The following P2RX5 variants were observed in gnomAD, a reference collection of about 807,000 sequenced individuals.
P2RX5 encodes P2X purinoceptor 5.
A neutral mutation model predicts 54.1 loss-of-function variants in P2RX5; 46 were observed. That is an observed-to-expected ratio of 0.85 (90% CI 0.67 to 1.09). P2RX5 has a LOEUF of 1.09. Ranked by LOEUF, P2RX5 falls within the 50% of genes least tolerant of loss-of-function variation. The pLI, the probability that P2RX5 is intolerant of heterozygous loss-of-function variation, is 0.00. For missense variants in P2RX5, 566 were observed against 549.8 expected, an observed-to-expected ratio of 1.03 and a Z score of -0.29; for synonymous variants, 226 against 226.4, an observed-to-expected ratio of 1.00 and a Z score of 0.02.
At chr17:3,719,253 A>AG in the P2RX5 span, among the ~76,000 whole-genome samples, 33,339 of 109,506 alleles carry the variant, frequency 0.3, 5,538 homozygotes, top group East Asian at 0.52. Context: ...AAAAAAAAAA[A>AG]AAAGAAAAGA....
chr17:3,681,405 TGCCGCTG>T (rs1314941767), intron 10 of P2RX5, among the ~76,000 whole-genome samples: 1 of 150,352 alleles, frequency 6.7e-6, no homozygotes, highest in African/African-American at 2.4e-5. Flanking sequence ...CGCTGTGCTC[TGCCGCTG>T]TGAACACGCA....
rs767522885 is a variant in P2RX5, at chr17:3,691,681, C to T, written c.251G>A (p.Arg84Gln). ...GACGTAGTCGGCGACATCCCAGATCCGCTGCCCAAGATCCGAGGTGTTGGT... is the reference window on the plus strand; with the variant it reads ...GACGTAGTCGGCGACATCCCAGATCTGCTGCCCAAGATCCGAGGTGTTGGT... ...AFTNTSDLGQ[R>Q]IWDVADYVIP... Residue 84 changes from arginine (R) to glutamine (Q), a missense_variant, in exon 2 of 12, where the codon CGG (arginine) becomes CAG (glutamine). Transcript: ENST00000225328. 9 of 1,614,080 alleles carry T rather than the reference C, an allele frequency of 5.6e-6. No homozygotes were observed. Among genetic ancestry groups the T allele is most frequent in the African/African-American group, 1.3e-5 (1 of 74,942 alleles).
chr17:3,690,905 A>C (rs1597269303), intron 3 of P2RX5, 51 bp downstream of exon 3: 1 of 1,502,198 alleles, frequency 6.7e-7, no homozygotes, highest in Admixed American at 1.8e-5. Context: ...GACCCCAACC[A>C]CTGCCGGTGG....
chr17:3,703,018 C>T, the P2RX5 span, among the ~76,000 whole-genome samples: 2 of 152,152 alleles, frequency 1.3e-5, no homozygotes, highest in Admixed American at 6.5e-5. Flanking sequence ...TCAGACAGAG[C>T]CCTCCCCTCC....
At chr17:3,689,754 T>A (rs1597266402) in intron 6 of P2RX5, 124 bp from the exon 7 acceptor site, 1 of 1,310,152 alleles carries the variant, frequency 7.6e-7, no homozygotes, top group East Asian at 2.3e-5. Flanking sequence ...CACCCCACTT[T>A]ACAGCAGGGG....
In P2RX5 at chr17:3,691,006, C is replaced by T; in HGVS notation, c.310G>A (p.Val104Ile). The change falls in exon 3 of 12, where the codon GTC becomes ATC. Residue 104 changes from valine (V) to isoleucine (I), a missense_variant. Physicochemically the swap from Val to Ile is conservative, Grantham distance 29. Coordinates refer to ENST00000225328, the MANE Select transcript of P2RX5 (RefSeq NM_002561.4). ...PAQGENVFFV[V>I]TNLIVTPNQR... The stretch of plus-strand genomic sequence containing the variant: ...TTGGGGGTCACAATCAGGTTGGTGA[C>T]CACAAAAAAGACGTTCTCTCCCTAA... The T allele has an allele frequency of 1.2e-6, 2 of 1,612,934 alleles. No homozygotes were observed. The highest frequency in any genetic ancestry group is 1.7e-6 in the Non-Finnish European group (2 of 1,179,594).
intron 11 of P2RX5, 150 bp downstream of exon 11, chr17:3,679,440 G>A: frequency 1.4e-6 from 1 of 707,398 alleles, no homozygotes; most frequent in Admixed American, 2.4e-5. Flanking sequence ...TTCCCACAGA[G>A]GCTCTCCCAG....
At chr17:3,693,474 G>C (rs932431500) in intron 1 of P2RX5, among the ~76,000 whole-genome samples, 1 of 152,186 alleles carries the variant, frequency 6.6e-6, no homozygotes, top group Admixed American at 6.5e-5. Flanking sequence ...AGTGGCTCCC[G>C]CCTGTCATCC....
At chr17:3,710,912 C>T in the P2RX5 span, among the ~76,000 whole-genome samples, 6 of 152,100 alleles carry the variant, frequency 3.9e-5, no homozygotes, top group Admixed American at 1.3e-4. Context: ...TGAACGAGAG[C>T]GAGACCCTGT....
chr17:3,692,712 C>A (rs1232815084), intron 1 of P2RX5, among the ~76,000 whole-genome samples: 14 of 151,776 alleles, frequency 9.2e-5, no homozygotes, highest in Admixed American at 9.2e-4. Context: ...CATGGTGGCA[C>A]CAGCCTGTCG....
At position 3,673,395 on chromosome 17, in the gene P2RX5, T is replaced by G. The variant is rs963823416; in HGVS notation, c.*473A>C. 1.9e-6 allele frequency: 2 copies of G among 1,044,210 alleles called. No individual in the cohort carries two copies. Among genetic ancestry groups the G allele is most frequent in the Non-Finnish European group, 2.3e-6 (2 of 864,740 alleles). 64.7% of individuals were successfully genotyped at this position (1,044,210 alleles called of 1,614,324 possible). ...TGGTGTCTTTAGGAGAGAGAGTACT[T>G]GGATCCACTGGAGAGTATGCTCTGA... On this transcript the variant is annotated 3_prime_UTR_variant, in exon 12 of 12. Transcript: ENST00000225328.
the P2RX5 span, chr17:3,720,375 T>G: frequency 6.4e-7 from 1 of 1,571,298 alleles, no homozygotes; most frequent in Non-Finnish European, 8.8e-7. Context: ...TCACCAAGGA[T>G]CTGCAGTTCA....
chr17:3,698,913 TA>T (rs1201115717), upstream of P2RX5, among the ~76,000 whole-genome samples: 11 of 151,488 alleles, frequency 7.3e-5, no homozygotes, highest in East Asian at 1.9e-4. Flanking sequence ...CAACCAGCAT[TA>T]AAAAAAATAG....
At chr17:3,711,224 C>T in the P2RX5 span, among the ~76,000 whole-genome samples, 1 of 152,158 alleles carries the variant, frequency 6.6e-6, no homozygotes, top group East Asian at 1.9e-4. Context: ...TTCGAATAAC[C>T]TGTTTCTCTC....
intron 11 of P2RX5, among the ~76,000 whole-genome samples, chr17:3,674,832 G>A (rs1317119949): frequency 2.0e-5 from 3 of 152,046 alleles, no homozygotes; most frequent in East Asian, 1.9e-4. Context: ...GCTACTACTC[G>A]CTGACCTCTC....
the P2RX5 span, chr17:3,721,726 G>A: frequency 3.9e-5 from 6 of 152,308 alleles, no homozygotes; most frequent in Admixed American, 3.3e-4. Context: ...TTTAGAATAA[G>A]TGATCAGGGA....
chr17:3,700,230 G>A (rs978406236), upstream of P2RX5, among the ~76,000 whole-genome samples: 2 of 152,074 alleles, frequency 1.3e-5, no homozygotes, highest in African/African-American at 4.8e-5. Context: ...TTTTACACCT[G>A]CCTTATTAAA....
the P2RX5 span, chr17:3,720,426 G>A: frequency 5.6e-6 from 6 of 1,068,400 alleles, no homozygotes; most frequent in African/African-American, 1.6e-5. Context: ...AAAGGAATGA[G>A]GGAAACAAAA....
chr17:3,701,764 T>TGC, the P2RX5 span, among the ~76,000 whole-genome samples: 2 of 115,540 alleles, frequency 1.7e-5, no homozygotes, highest in South Asian at 6.8e-4. Flanking sequence ...TTTTTTTGTT[T>TGC]TTTTTTTTTA....
Sources: gnomAD v4.1 joint callset for allele counts (sites outside exome capture counted in the v4.1 genomes callset) on GRCh38, gnomAD v4.1.1 for gene constraint, MANE v1.5 for transcripts, NCBI Gene and HGNC (gene_info 2026-07-23, HGNC 2026-07-21) for gene names.